The following PMFBP1 variants were observed in gnomAD, a reference collection of about 807,000 sequenced individuals.
PMFBP1 encodes polyamine modulated factor 1 binding protein 1, also known as polyamine-modulated factor 1-binding protein 1.
A neutral mutation model predicts 137.8 loss-of-function variants in PMFBP1; 131 were observed. The ratio of observed to expected loss-of-function variants is 0.95; its 90% CI spans 0.82 to 1.10. The LOEUF (loss-of-function observed/expected upper bound fraction) is 1.10. Ranked by LOEUF, PMFBP1 falls within the 50% of genes least tolerant of loss-of-function variation. The probability of loss-of-function intolerance (pLI) is 0.00; values close to 1 mark genes in which losing one functional copy is unlikely to be tolerated. For synonymous variants in PMFBP1, 490 were observed against 450.4 expected (o/e 1.09, Z -1.11); for missense variants, 1,199 against 1,175.4 (o/e 1.02, Z -0.29).
At chr16:72,118,837 T>G (rs940318040), downstream of PMFBP1, among the ~76,000 whole-genome samples, 1 of 152,084 alleles carries the variant, frequency 6.6e-6, no homozygotes, top group Non-Finnish European at 1.5e-5. Flanking sequence ...TTCTTTGGGG[T>G]CTCAGGATTA....
At chr16:72,134,906 G>A (rs905445572) in intron 9 of PMFBP1, among the ~76,000 whole-genome samples, 2 of 152,114 alleles carry the variant, frequency 1.3e-5, no homozygotes, top group Admixed American at 6.5e-5. Context: ...TTTGTTTACC[G>A]GCTGTCTCCC....
chr16:72,221,639 G>A, the PMFBP1 span, among the ~76,000 whole-genome samples: 2,002 of 152,252 alleles, frequency 0.013, 22 homozygotes, highest in Admixed American at 0.022. Context: ...ACCTACTCTC[G>A]GGAAGGATGA....
At chr16:72,211,741 T>C in the PMFBP1 span, among the ~76,000 whole-genome samples, 5 of 152,230 alleles carry the variant, frequency 3.3e-5, no homozygotes, top group African/African-American at 9.6e-5. Flanking sequence ...ATGCCTGTAA[T>C]CCCAGCAATT....
intron 3 of PMFBP1, among the ~76,000 whole-genome samples, chr16:72,154,904 T>C (rs921921686): frequency 6.6e-6 from 1 of 152,194 alleles, no homozygotes; most frequent in African/African-American, 2.4e-5. Flanking sequence ...GGGTGAATTC[T>C]TGGGGATTTT....
chr16:72,200,131 C>A, the PMFBP1 span, among the ~76,000 whole-genome samples: 1 of 152,204 alleles, frequency 6.6e-6, no homozygotes, highest in Non-Finnish European at 1.5e-5. Flanking sequence ...GGGGCCTTTG[C>A]CAAACAGGCT....
the PMFBP1 span, among the ~76,000 whole-genome samples, chr16:72,246,414 C>T: frequency 1.1e-4 from 17 of 152,158 alleles, no homozygotes; most frequent in African/African-American, 3.9e-4. Context: ...GAAATGAAAG[C>T]GCCATATGAC....
the PMFBP1 span, among the ~76,000 whole-genome samples, chr16:72,235,473 T>C: frequency 6.6e-6 from 1 of 151,588 alleles, no homozygotes; most frequent in East Asian, 1.9e-4. Flanking sequence ...AATCCTATTT[T>C]TCATCACTGT....
At chr16:72,171,968 G>A (rs1232918450) in intron 1 of PMFBP1, 86 bp downstream of exon 1, 1 of 152,136 alleles carries the variant, frequency 6.6e-6, no homozygotes, top group Non-Finnish European at 1.5e-5. Flanking sequence ...ATGCATTTGA[G>A]GTCATAATGC....
the PMFBP1 span, among the ~76,000 whole-genome samples, chr16:72,204,279 G>A: frequency 2.6e-5 from 4 of 151,342 alleles, no homozygotes; most frequent in South Asian, 6.2e-4. Context: ...CCTCAACATC[G>A]TGGGCTCAAG....
intron 5 of PMFBP1, among the ~76,000 whole-genome samples, chr16:72,148,340 G>T (rs2042845804): frequency 6.8e-6 from 1 of 146,614 alleles, no homozygotes; most frequent in Non-Finnish European, 1.5e-5. Flanking sequence ...TGGATACGGG[G>T]CAGGGAACAT....
chr16:72,189,926 G>C, the PMFBP1 span, among the ~76,000 whole-genome samples: 3 of 152,120 alleles, frequency 2.0e-5, no homozygotes, highest in African/African-American at 7.2e-5. Context: ...TGTATGCTGA[G>C]TCTGCCTCTG....
At chr16:72,169,293 T>C (rs217176) in intron 2 of PMFBP1, among the ~76,000 whole-genome samples, 134,202 of 152,228 alleles carry the variant, frequency 0.88, 59,526 homozygotes, top group East Asian at 0.98. Flanking sequence ...TAAAAACTAA[T>C]ATTGATTCAG....
At chr16:72,246,492 C>T in the PMFBP1 span, among the ~76,000 whole-genome samples, 13 of 151,970 alleles carry the variant, frequency 8.6e-5, no homozygotes, top group South Asian at 2.1e-4. Context: ...ATTTCAGTCA[C>T]GTATTTCGTG....
the PMFBP1 span, among the ~76,000 whole-genome samples, chr16:72,202,642 G>A: frequency 5.9e-5 from 9 of 152,172 alleles, no homozygotes; most frequent in Non-Finnish European, 7.3e-5. Flanking sequence ...TTATTGCCCC[G>A]TAGGAGGCTG....
the PMFBP1 span, among the ~76,000 whole-genome samples, chr16:72,217,253 G>A: frequency 2.0e-5 from 3 of 152,126 alleles, no homozygotes; most frequent in African/African-American, 7.2e-5. Flanking sequence ...TGATAAATTT[G>A]CTAATATAAG....
chr16:72,166,787 C>G (rs2043151234), intron 2 of PMFBP1, among the ~76,000 whole-genome samples: 1 of 152,232 alleles, frequency 6.6e-6, no homozygotes. Flanking sequence ...CAATGGCCAT[C>G]CCATGGGTTA....
chr16:72,209,532 G>A, the PMFBP1 span, among the ~76,000 whole-genome samples: 1 of 151,710 alleles, frequency 6.6e-6, no homozygotes, highest in East Asian at 1.9e-4. Flanking sequence ...ATATATAACT[G>A]TATATCATAT....
intron 2 of PMFBP1, among the ~76,000 whole-genome samples, chr16:72,167,449 G>A (rs934967941): frequency 6.6e-6 from 1 of 152,114 alleles, no homozygotes; most frequent in African/African-American, 2.4e-5. Context: ...ACTGCCCCAA[G>A]CATGTAATTA....
At chr16:72,243,029 C>T in the PMFBP1 span, among the ~76,000 whole-genome samples, 4 of 152,146 alleles carry the variant, frequency 2.6e-5, no homozygotes, top group African/African-American at 9.7e-5. Flanking sequence ...ACAAAATATC[C>T]AAATGGGAGG....
Sources: gnomAD v4.1 joint callset for allele counts (sites outside exome capture counted in the v4.1 genomes callset) on GRCh38, gnomAD v4.1.1 for gene constraint, MANE v1.5 for transcripts, NCBI Gene and HGNC (gene_info 2026-07-23, HGNC 2026-07-21) for gene names.